CBY1: variants seen among roughly 807,000 people sequenced by gnomAD.
CBY1 encodes the protein protein chibby homolog 1.
A neutral mutation model predicts 15.6 loss-of-function variants in CBY1; 10 were observed. The observed-to-expected ratio is 0.64, with a 90% confidence interval of 0.40 to 1.09. CBY1 has a LOEUF of 1.09. Ranked by LOEUF, CBY1 falls within the 50% of genes least tolerant of loss-of-function variation. The pLI, the probability that CBY1 is intolerant of heterozygous loss-of-function variation, is 0.01. For synonymous variants in CBY1, 61 were observed against 63.5 expected (o/e 0.96, Z 0.19); for missense variants, 150 against 160.5 (o/e 0.93, Z 0.35).
Position 38,671,167 on chromosome 22 carries a change from A to AGT in CBY1, c.284_285dup (p.Asp96TrpfsTer5). 1 of 1,613,672 alleles carries AGT rather than the reference A, an allele frequency of 6.2e-7. No individual in the cohort carries two copies. Among genetic ancestry groups the AGT allele is most frequent in the Non-Finnish European group, 8.5e-7 (1 of 1,179,584 alleles). ...AAGAGAACAATCTCTTGCGGCTGAAAGTGGACATCTTATTAGACATGGTGA... is the reference window on the plus strand; with the variant it reads ...AAGAGAACAATCTCTTGCGGCTGAAAGTGTGGACATCTTATTAGACATGGTGA... On this transcript the variant is annotated frameshift_variant, in exon 4 of 5. Transcript: ENST00000216029. LOFTEE classifies it high-confidence loss of function.
intron 1 of CBY1, among the ~76,000 whole-genome samples, chr22:38,662,828 C>T (rs1230951571): frequency 6.6e-6 from 1 of 152,166 alleles, no homozygotes; most frequent in African/African-American, 2.4e-5. Context: ...AAATACAATA[C>T]AAGCACTAAT....
intron 2 of CBY1, chr22:38,670,133 G>A (rs1450445906): frequency 6.6e-6 from 1 of 152,332 alleles, no homozygotes; most frequent in East Asian, 1.9e-4. Flanking sequence ...GGGAAGCTGA[G>A]GCAGAAGAGT....
At position 38,670,890 on chromosome 22, in the gene CBY1, C is replaced by A; in HGVS notation, c.85C>A (p.Arg29=). The A allele has an allele frequency of 6.2e-7, 1 of 1,613,216 alleles. No homozygotes were observed. The highest frequency in any genetic ancestry group is 1.1e-5 in the South Asian group (1 of 91,042). ...ASLSNLHSLD[R]STREVELGLE... ...CATAGCATCTCGCCCACAGTTGGAT[C>A]GATCAACCCGGGAGGTGGAGCTGGG... Residue 29 remains arginine (R), a synonymous_variant, in exon 3 of 5, where the codon CGA becomes AGA. Coordinates refer to ENST00000216029, the MANE Select transcript of CBY1 (RefSeq NM_015373.4).
At chr22:38,672,081 G>A (rs1352380897) in intron 4 of CBY1, among the ~76,000 whole-genome samples, 1 of 151,826 alleles carries the variant, frequency 6.6e-6, no homozygotes, top group East Asian at 2.0e-4. Flanking sequence ...GACCAACATG[G>A]TGAAACCTTG....
At chr22:38,660,274 A>G (rs935753173) in intron 1 of CBY1, among the ~76,000 whole-genome samples, 5 of 151,710 alleles carry the variant, frequency 3.3e-5, no homozygotes, top group African/African-American at 1.2e-4. Context: ...GGCTCACTGC[A>G]ACCTCTGCCT....
In CBY1 at chr22:38,671,072, A is replaced by T. The variant is rs1342761671; in HGVS notation, c.187A>T (p.Thr63Ser). Reference protein sequence around the residue: ...KFENGQWIAETGVSGGVDRRE... With the variant: ...KFENGQWIAESGVSGGVDRRE... Reference sequence around the variant, plus strand: ...AACTGGTTCTGTCCTTCCTCCAGAGACAGGGGTTAGTGGCGGTGTGGACCG... The same window carrying T: ...AACTGGTTCTGTCCTTCCTCCAGAGTCAGGGGTTAGTGGCGGTGTGGACCG... The change falls in exon 4 of 5, where the codon ACA (threonine) becomes TCA (serine). Residue 63 changes from threonine (T) to serine (S), a missense_variant and splice_region_variant. Physicochemically the swap from Thr to Ser is moderately conservative, Grantham distance 58. Transcript: ENST00000216029. 6.2e-7 allele frequency: 1 copy of T among 1,614,132 alleles called. No individual in the cohort carries two copies. Among genetic ancestry groups the T allele is most frequent in the African/African-American group, 1.3e-5 (1 of 75,072 alleles).
At chr22:38,662,636 G>A (rs1603114927) in intron 1 of CBY1, among the ~76,000 whole-genome samples, 4 of 152,094 alleles carry the variant, frequency 2.6e-5, no homozygotes, top group Admixed American at 6.6e-5. Context: ...GACCACAGGC[G>A]TACACCACCA....
intron 4 of CBY1, among the ~76,000 whole-genome samples, chr22:38,672,068 C>A (rs1236787433): frequency 6.6e-6 from 1 of 151,632 alleles, no homozygotes; most frequent in African/African-American, 2.4e-5. Context: ...TCGAGACCAG[C>A]CTGACCAACA....
chr22:38,673,214 G>C lies in CBY1; in HGVS notation c.359G>C (p.Arg120Thr). Reference sequence around the variant, plus strand: ...ATGGAGAAGGAACTGGATGAACTGAGGATCAGCCGGAAGAGAAAATGAAGA... The same window carrying C: ...ATGGAGAAGGAACTGGATGAACTGACGATCAGCCGGAAGAGAAAATGAAGA... ...HLMEKELDEL[R>T]ISRKRK Residue 120 changes from arginine to threonine, a missense_variant, in exon 5 of 5, where the codon AGG becomes ACG. Transcript: ENST00000216029. 2 of 1,611,722 alleles carry C rather than the reference G, an allele frequency of 1.2e-6. No individual in the cohort carries two copies. The highest frequency in any genetic ancestry group is 2.2e-5 in the South Asian group (2 of 91,028).
chr22:38,660,759 C>T (rs567954533), intron 1 of CBY1, among the ~76,000 whole-genome samples: 24 of 150,150 alleles, frequency 1.6e-4, no homozygotes, highest in Non-Finnish European at 2.5e-4. Context: ...ATTTTTGAGA[C>T]GGAGTTTCAC....
chr22:38,666,705 T>G (rs2092437359), intron 1 of CBY1: 1 of 149,900 alleles, frequency 6.7e-6, no homozygotes, highest in Admixed American at 6.7e-5. Flanking sequence ...TTTATTTATT[T>G]TTTTAATTTA....
At chr22:38,663,387 G>A (rs1429659229) in intron 1 of CBY1, among the ~76,000 whole-genome samples, 3 of 151,378 alleles carry the variant, frequency 2.0e-5, no homozygotes, top group East Asian at 3.9e-4. Flanking sequence ...CCCGGGAGGC[G>A]GAGGTTGCAT....
intron 4 of CBY1, chr22:38,671,703 A>G (rs1200162873): frequency 6.3e-6 from 1 of 159,252 alleles, no homozygotes. Context: ...GGAGCCTGTG[A>G]AGGTTCAGAG....
At chr22:38,666,038 G>C (rs1266503306) in intron 1 of CBY1, among the ~76,000 whole-genome samples, 2 of 151,426 alleles carry the variant, frequency 1.3e-5, no homozygotes, top group African/African-American at 2.4e-5. Flanking sequence ...GGGTCTCGCT[G>C]TGTCACTCAG....
At chr22:38,671,588 A>C in intron 4 of CBY1, 1 of 263,612 alleles carries the variant, frequency 3.8e-6, no homozygotes, top group Non-Finnish European at 7.5e-6. Flanking sequence ...TCTCATACCA[A>C]GTAGGCATTA....
intron 2 of CBY1, 151 bp downstream of exon 2, chr22:38,668,283 C>T (rs2092442881): frequency 1.8e-6 from 1 of 571,028 alleles, no homozygotes; most frequent in Non-Finnish European, 3.2e-6. Flanking sequence ...CATTTTTGAA[C>T]TCTTGTTTGG....
chr22:38,673,511 T>G lies in CBY1; in HGVS notation c.*275T>G. 2.8e-6 allele frequency: 1 copy of G among 359,652 alleles called. No individual in the cohort carries two copies. Among genetic ancestry groups the G allele is most frequent in the Non-Finnish European group, 5.4e-6 (1 of 185,198 alleles). 22.3% of individuals were successfully genotyped at this position (359,652 alleles called of 1,614,324 possible). ...GGGCTGCTGATGAGCTTTTTGGTGC[T>G]CTCCACACACAAGCTCGCAAACACA... On this transcript the variant is annotated 3_prime_UTR_variant, in exon 5 of 5. Transcript: ENST00000216029.
chr22:38,668,183 G>A (rs747014691), intron 2 of CBY1, 51 bp downstream of exon 2: 1 of 1,077,748 alleles, frequency 9.3e-7, no homozygotes, highest in East Asian at 2.4e-5. Context: ...GTTGAGTGCT[G>A]AGCGTGTCTC....
In CBY1 at chr22:38,664,447, G is replaced by A. The variant is rs145049036; in HGVS notation, c.-38-3570G>A. Reference sequence around the variant, plus strand: ...AGATTGTGCCACTGCACTCCAGCCCGATGACAGAGGGAGACTCCATCTCAA... The same window carrying A: ...AGATTGTGCCACTGCACTCCAGCCCAATGACAGAGGGAGACTCCATCTCAA... On this transcript the variant is annotated intron_variant, in intron 1 of 4. Coordinates refer to ENST00000216029, the MANE Select transcript of CBY1 (RefSeq NM_015373.4). Among the ~76,000 whole-genome samples, 723 of 137,268 alleles carry A rather than the reference G, an allele frequency of 5.3e-3. 8 individuals are homozygous for A. Among genetic ancestry groups the A allele is most frequent in the Non-Finnish European group, 8.8e-3 (580 of 65,744 alleles). The allele number at this position is 137,268 out of a possible 152,430, so 90.1% of individuals were successfully genotyped here.
Sources: gnomAD v4.1 joint callset for allele counts (sites outside exome capture counted in the v4.1 genomes callset) on GRCh38, gnomAD v4.1.1 for gene constraint, MANE v1.5 for transcripts, NCBI Gene and HGNC (gene_info 2026-07-23, HGNC 2026-07-21) for gene names.